UMAD1: variants seen among roughly 807,000 people sequenced by gnomAD.
UMAD1 encodes UBAP1-MVB12-associated (UMA)-domain containing protein 1.
Under a neutral mutation model 6.1 loss-of-function variants are expected in UMAD1, and 8 were observed. The observed-to-expected ratio is 1.30, with a 90% CI of 0.76 to 2.35. UMAD1 has a LOEUF of 2.35. UMAD1 is among the 30% of genes most tolerant of loss of function. The pLI, the probability that UMAD1 is intolerant of heterozygous loss-of-function variation, is 0.00. For missense variants in UMAD1, 130 were observed against 78.4 expected, an observed-to-expected ratio of 1.66 and a Z score of -2.49; for synonymous variants, 56 against 31.4, an observed-to-expected ratio of 1.78 and a Z score of -2.61.
chr7:7,662,044 C>T (rs543881029), intron 1 of UMAD1, among the ~76,000 whole-genome samples: 6 of 152,300 alleles, frequency 3.9e-5, no homozygotes, highest in African/African-American at 1.2e-4. Context: ...CTGGCTACAG[C>T]GGCTTTGCTG....
chr7:7,784,407 C>G (rs1400459449), intron 2 of UMAD1, among the ~76,000 whole-genome samples: 2 of 149,714 alleles, frequency 1.3e-5, no homozygotes, highest in Non-Finnish European at 3.0e-5. Flanking sequence ...GCTACCTTGG[C>G]TCACTGCAAG....
At chr7:7,752,583 T>A (rs1434378239) in intron 2 of UMAD1, among the ~76,000 whole-genome samples, 3 of 152,116 alleles carry the variant, frequency 2.0e-5, no homozygotes, top group Non-Finnish European at 4.4e-5. Flanking sequence ...AGTTGTGAAC[T>A]GAAAAGAATC....
At chr7:7,873,039 T>A (rs1476759705) in intron 3 of UMAD1, among the ~76,000 whole-genome samples, 1 of 152,242 alleles carries the variant, frequency 6.6e-6, no homozygotes, top group East Asian at 1.9e-4. Flanking sequence ...TTCACTTACT[T>A]TAACCTGTGC....
At chr7:7,768,739 C>T (rs4725024) in intron 2 of UMAD1, among the ~76,000 whole-genome samples, 2,383 of 152,078 alleles carry the variant, frequency 0.016, 32 homozygotes, top group Middle Eastern at 0.044. Flanking sequence ...TTAGATATTT[C>T]GTATTTGTTG....
chr7:7,746,905 T>G (rs1056641513), intron 2 of UMAD1, among the ~76,000 whole-genome samples: 5 of 152,088 alleles, frequency 3.3e-5, no homozygotes, highest in African/African-American at 7.2e-5. Context: ...CCCTATAGAT[T>G]TAAGAGATTT....
intron 2 of UMAD1, among the ~76,000 whole-genome samples, chr7:7,716,208 A>G (rs1780898185): frequency 6.6e-6 from 1 of 152,202 alleles, no homozygotes. Context: ...GATGCCCTAG[A>G]AATAGTTCTA....
chr7:7,679,729 T>C lies in UMAD1; in HGVS notation c.82+6276T>C, dbSNP rs1000804121. ...ATAGATAAATATATATATATATATA[T>C]ATACACACACACATATTAAGAGGCA... is the stretch of plus-strand genomic sequence containing the variant. On this transcript the variant is annotated intron_variant, in intron 2 of 3. Transcript: ENST00000682710. Among the ~76,000 whole-genome samples, 136 of 143,018 alleles carry C rather than the reference T, an allele frequency of 9.5e-4. 1 individual carries two copies. Among genetic ancestry groups the C allele is most frequent in the East Asian group, 8.8e-3 (44 of 4,978 alleles). The allele number at this position is 143,018 out of a possible 152,430, so 93.8% of individuals were successfully genotyped here.
At chr7:7,719,380 G>C (rs1164955761) in intron 2 of UMAD1, among the ~76,000 whole-genome samples, 1 of 152,184 alleles carries the variant, frequency 6.6e-6, no homozygotes, top group Non-Finnish European at 1.5e-5. Context: ...AACTGAATTT[G>C]AAACCAGCTG....
chr7:7,685,784 A>T (rs1414423944), intron 2 of UMAD1: 1 of 152,236 alleles, frequency 6.6e-6, no homozygotes, highest in East Asian at 1.9e-4. Context: ...AAAAAAATTT[A>T]AGTGTTTTCT....
At chr7:7,783,064 C>G (rs571318157) in intron 2 of UMAD1, among the ~76,000 whole-genome samples, 1 of 152,274 alleles carries the variant, frequency 6.6e-6, no homozygotes, top group South Asian at 2.1e-4. Flanking sequence ...GACCTACATA[C>G]TCACTGGCAA....
At chr7:7,864,800 C>A (rs1784197020) in intron 3 of UMAD1, among the ~76,000 whole-genome samples, 1 of 152,098 alleles carries the variant, frequency 6.6e-6, no homozygotes, top group Admixed American at 6.5e-5. Flanking sequence ...CCAGAGGAAC[C>A]AACCATGTAA....
chr7:7,782,576 A>AT (rs1012219257), intron 2 of UMAD1, among the ~76,000 whole-genome samples: 3 of 151,814 alleles, frequency 2.0e-5, no homozygotes, highest in Non-Finnish European at 4.4e-5. Context: ...TTGTAGGGTT[A>AT]TTTTTTTGTT....
intron 2 of UMAD1, among the ~76,000 whole-genome samples, chr7:7,678,579 AAT>A (rs1335998428): frequency 7.3e-6 from 1 of 136,358 alleles, no homozygotes; most frequent in South Asian, 2.2e-4. Flanking sequence ...TTTATAGATA[AAT>A]ATATATTTAT....
intron 2 of UMAD1, among the ~76,000 whole-genome samples, chr7:7,739,460 G>T (rs13237260): frequency 0.29 from 44,321 of 152,064 alleles, 7,363 homozygotes; most frequent in African/African-American, 0.46. Context: ...TTAACAAGTG[G>T]TTTTTTGAAG....
At chr7:7,763,685 T>C (rs1781934939) in intron 2 of UMAD1, among the ~76,000 whole-genome samples, 1 of 152,244 alleles carries the variant, frequency 6.6e-6, no homozygotes, top group South Asian at 2.1e-4. Context: ...GAGACCAGCC[T>C]GACCAACATG....
intron 1 of UMAD1, among the ~76,000 whole-genome samples, chr7:7,652,243 T>C (rs1785239474): frequency 6.6e-6 from 1 of 152,212 alleles, no homozygotes; most frequent in African/African-American, 2.4e-5. Flanking sequence ...ATTCCTTTGA[T>C]AGGATTTCCG....
chr7:7,722,654 T>C (rs1781072879), intron 2 of UMAD1, among the ~76,000 whole-genome samples: 1 of 152,074 alleles, frequency 6.6e-6, no homozygotes, highest in African/African-American at 2.4e-5. Flanking sequence ...GCCTTAAATC[T>C]CCTAAGACTG....
At chr7:7,773,480 TAAG>T (rs1782140969) in intron 2 of UMAD1, among the ~76,000 whole-genome samples, 1 of 152,134 alleles carries the variant, frequency 6.6e-6, no homozygotes, top group Non-Finnish European at 1.5e-5. Flanking sequence ...GACTTTGAAA[TAAG>T]AATAGAAATG....
intron 2 of UMAD1, among the ~76,000 whole-genome samples, chr7:7,798,612 C>T (rs1018742823): frequency 6.6e-6 from 1 of 152,210 alleles, no homozygotes; most frequent in African/African-American, 2.4e-5. Context: ...GCACAAGATC[C>T]TGCCTTCAGA....
Sources: gnomAD v4.1 joint callset for allele counts (sites outside exome capture counted in the v4.1 genomes callset) on GRCh38, gnomAD v4.1.1 for gene constraint, MANE v1.5 for transcripts, NCBI Gene and HGNC (gene_info 2026-07-23, HGNC 2026-07-21) for gene names.